IFT52: variants seen among roughly 807,000 people sequenced by gnomAD.
The protein encoded by IFT52 is intraflagellar transport 52, also known as intraflagellar transport protein 52 homolog.
Under a neutral mutation model 54.4 loss-of-function variants are expected in IFT52, and 44 were observed. The ratio of observed to expected loss-of-function variants is 0.81; its 90% CI spans 0.63 to 1.04. The LOEUF (loss-of-function observed/expected upper bound fraction) is 1.04. IFT52 is among the 50% of genes least tolerant of loss of function. The probability of loss-of-function intolerance (pLI) is 0.00; values close to 1 mark genes in which losing one functional copy is unlikely to be tolerated. For synonymous variants in IFT52, 181 were observed against 185.3 expected, an observed-to-expected ratio of 0.98 and a Z score of 0.19; for missense variants, 452 against 523.6, an observed-to-expected ratio of 0.86 and a Z score of 1.33.
At position 43,603,881 on chromosome 20, in the gene IFT52, T is replaced by A; in HGVS notation, c.329T>A (p.Val110Asp). ...NFLLEEYGIMVNNDAVVRNVY... is the reference protein window; with the variant it reads ...NFLLEEYGIMDNNDAVVRNVY... ...TTACTAGAAGAATATGGAATCATGG[T>A]TAATAATGGTAATTAGTATTATTAT... Residue 110 changes from valine to aspartate, a missense_variant, in exon 4 of 14, where the codon GTT becomes GAT. Val to Asp is a radical substitution (Grantham distance 152). Coordinates refer to ENST00000373030, the MANE Select transcript of IFT52 (RefSeq NM_016004.5). 1 of 1,461,638 alleles carries A rather than the reference T, an allele frequency of 6.8e-7. No homozygotes were observed. The highest frequency in any genetic ancestry group is 9.5e-7 in the Non-Finnish European group (1 of 1,048,868). The allele number at this position is 1,461,638 out of a possible 1,614,324, so 90.5% of individuals were successfully genotyped here.
intron 13 of IFT52, among the ~76,000 whole-genome samples, 168 bp downstream of exon 13, chr20:43,642,792 AC>A (rs1219044472): frequency 6.6e-6 from 1 of 152,214 alleles, no homozygotes; most frequent in African/African-American, 2.4e-5. Flanking sequence ...GAACCTATAT[AC>A]TAGCTGGAGG....
chr20:43,620,467 G>T (rs1362791237), intron 8 of IFT52, among the ~76,000 whole-genome samples: 1 of 152,138 alleles, frequency 6.6e-6, no homozygotes, highest in Non-Finnish European at 1.5e-5. Flanking sequence ...AGGCCAGCCT[G>T]ACCAACATGG....
intron 3 of IFT52, 62 bp from the exon 4 acceptor site, chr20:43,603,698 C>G: frequency 6.8e-7 from 1 of 1,472,272 alleles, no homozygotes; most frequent in African/African-American, 1.4e-5. Flanking sequence ...AGGTCTTATT[C>G]ATGGTATTTC....
intron 11 of IFT52, among the ~76,000 whole-genome samples, chr20:43,636,862 T>C (rs1479784718): frequency 6.6e-6 from 1 of 152,196 alleles, no homozygotes; most frequent in African/African-American, 2.4e-5. Context: ...CTTGGTTGTT[T>C]ACAGTGGGCT....
chr20:43,596,765 A>G lies in IFT52; in HGVS notation c.207+243A>G, dbSNP rs193226277. 6.9e-3 allele frequency among the ~76,000 whole-genome samples: 879 copies of G among 127,200 alleles called. 8 individuals are homozygous for G. Among genetic ancestry groups the G allele is most frequent in the South Asian group, 0.034 (135 of 3,934 alleles). The allele number at this position is 127,200 out of a possible 152,430, so 83.4% of individuals were successfully genotyped here. On this transcript the variant is annotated intron_variant, in intron 3 of 13. Transcript: ENST00000373030. ...TTTTTTTTTTTTTTTTTTTTGAGACAGAGTCTCGCTCTGTCGCCGAGGCTG... is the reference window on the plus strand; with the variant it reads ...TTTTTTTTTTTTTTTTTTTTGAGACGGAGTCTCGCTCTGTCGCCGAGGCTG...
At chr20:43,626,585 T>G (rs1352131150) in intron 10 of IFT52, among the ~76,000 whole-genome samples, 1 of 152,152 alleles carries the variant, frequency 6.6e-6, no homozygotes, top group African/African-American at 2.4e-5. Flanking sequence ...ATCTTTTTTC[T>G]TATTTTTTGC....
chr20:43,621,013 C>A, intron 9 of IFT52, 88 bp downstream of exon 9: 1 of 896,182 alleles, frequency 1.1e-6, no homozygotes, highest in South Asian at 1.5e-5. Context: ...GAATACATGA[C>A]TGTCTTAACT....
intron 6 of IFT52, among the ~76,000 whole-genome samples, chr20:43,607,265 A>AC (rs1187390987): frequency 7.3e-5 from 9 of 123,070 alleles, no homozygotes; most frequent in South Asian, 2.9e-4. Context: ...CGGGGGGCTG[A>AC]CCCCCCCACC....
chr20:43,643,041 C>T (rs539104621), intron 13 of IFT52, among the ~76,000 whole-genome samples: 5 of 152,062 alleles, frequency 3.3e-5, no homozygotes, highest in African/African-American at 9.6e-5. Flanking sequence ...ATGGTGCGTG[C>T]CTGTAATCCC....
intron 10 of IFT52, among the ~76,000 whole-genome samples, chr20:43,625,900 G>C (rs1017447091): frequency 6.6e-6 from 1 of 151,550 alleles, no homozygotes; most frequent in East Asian, 1.9e-4. Context: ...TGAAGGGAGC[G>C]GTCACAGTAA....
chr20:43,631,433 G>A (rs1985163075), intron 10 of IFT52, among the ~76,000 whole-genome samples: 1 of 152,168 alleles, frequency 6.6e-6, no homozygotes, highest in Non-Finnish European at 1.5e-5. Flanking sequence ...TCGTCTTTCT[G>A]CAGTCACAGA....
chr20:43,636,816 G>C (rs902147490), intron 11 of IFT52, among the ~76,000 whole-genome samples: 1 of 152,212 alleles, frequency 6.6e-6, no homozygotes, highest in Non-Finnish European at 1.5e-5. Flanking sequence ...TGGTATGTCA[G>C]CTTGGTCAGT....
rs770992916 is a variant in IFT52 at position 43,647,019 on chromosome 20, TTC to T, written c.*42_*43del. The T allele has an allele frequency of 1.1e-5, 18 of 1,576,124 alleles. No individual in the cohort carries two copies. In the Admixed American group the frequency reaches 1.7e-4, roughly 15 times the overall value. ...TCTTGAAGCTTTTTCTGCCTCCTGATTCTCTCTTTGTAAACTATTTTCAAATT... is the reference window on the plus strand; with the variant it reads ...TCTTGAAGCTTTTTCTGCCTCCTGATTCTCTTTGTAAACTATTTTCAAATT... On this transcript the variant is annotated 3_prime_UTR_variant, in exon 14 of 14. Transcript: ENST00000373030.
chr20:43,615,894 C>T (rs1182493782), intron 7 of IFT52, among the ~76,000 whole-genome samples: 2 of 152,042 alleles, frequency 1.3e-5, no homozygotes, highest in African/African-American at 4.8e-5. Context: ...CGAGATTGTG[C>T]CACTGCACTC....
At chr20:43,624,951 T>A (rs1337653421) in intron 10 of IFT52, among the ~76,000 whole-genome samples, 2 of 152,106 alleles carry the variant, frequency 1.3e-5, no homozygotes, top group Non-Finnish European at 2.9e-5. Flanking sequence ...GTTTGTGAAA[T>A]TAGCATGCTG....
chr20:43,613,131 T>C (rs1288034112), intron 6 of IFT52, among the ~76,000 whole-genome samples: 3 of 152,236 alleles, frequency 2.0e-5, no homozygotes, highest in African/African-American at 7.2e-5. Context: ...GTGTCCATTA[T>C]AGCGTATATT....
In IFT52 at chr20:43,599,177, T is replaced by G. The variant is rs555372733; in HGVS notation, c.207+2655T>G. ...TATGTACACACAGAGGGCAGTGGCCTGCAGAGCAACACTCTATTGCTTGTT... is the reference window on the plus strand; with the variant it reads ...TATGTACACACAGAGGGCAGTGGCCGGCAGAGCAACACTCTATTGCTTGTT... On this transcript the variant is annotated intron_variant, in intron 3 of 13. Transcript: ENST00000373030. Among the ~76,000 whole-genome samples the G allele has an allele frequency of 3.3e-5, 5 of 152,252 alleles. No homozygotes were observed. In the East Asian group the frequency reaches 7.7e-4, roughly 24 times the overall value.
intron 3 of IFT52, among the ~76,000 whole-genome samples, chr20:43,597,085 A>G (rs1178124147): frequency 2.7e-5 from 4 of 150,578 alleles, no homozygotes; most frequent in Admixed American, 2.6e-4. Context: ...AAAATAGGAA[A>G]ATTCCGCCAG....
intron 8 of IFT52, among the ~76,000 whole-genome samples, chr20:43,619,386 C>T (rs959793637): frequency 1.3e-5 from 2 of 152,118 alleles, no homozygotes; most frequent in African/African-American, 4.8e-5. Flanking sequence ...CTTGGGTTTT[C>T]AGCAGCCTTG....
Sources: gnomAD v4.1 joint callset for allele counts (sites outside exome capture counted in the v4.1 genomes callset) on GRCh38, gnomAD v4.1.1 for gene constraint, MANE v1.5 for transcripts, NCBI Gene and HGNC (gene_info 2026-07-23, HGNC 2026-07-21) for gene names.